The following PTDSS1 variants were observed in gnomAD, a reference collection of about 807,000 sequenced individuals.
PTDSS1 encodes the protein PSS-1.
A neutral mutation model predicts 70.5 loss-of-function variants in PTDSS1; 45 were observed. The ratio of observed to expected loss-of-function variants is 0.64; its 90% CI spans 0.50 to 0.82. The LOEUF is 0.82. Among genes scored for constraint, PTDSS1 ranks in the 40% least tolerant of loss-of-function variants. The pLI is 0.00. For synonymous variants in PTDSS1, 188 were observed against 203.8 expected (o/e 0.92, Z 0.66); for missense variants, 417 against 586.1 (o/e 0.71, Z 2.98).
In PTDSS1 at chr8:96,288,625, C is replaced by CTTTTT. The variant is rs777705401; in HGVS notation, c.441+1497_441+1501dup. Among the ~76,000 whole-genome samples, 213 of 84,668 alleles carry CTTTTT rather than the reference C, an allele frequency of 2.5e-3. 7 individuals carry two copies. Among genetic ancestry groups the CTTTTT allele is most frequent in the African/African-American group, 0.011 (184 of 17,326 alleles). The allele number at this position is 84,668 out of a possible 152,430, so 55.5% of individuals were successfully genotyped here. ...ACAGGCATGAGCCACCACGCTTGGC[C>CTTTTT]TTTTTTTTTTTTTTTTTTTTTTGAG... On this transcript the variant is annotated intron_variant, in intron 4 of 12. Transcript: ENST00000517309.
chr8:96,295,483 T>C (rs547364735), intron 5 of PTDSS1, among the ~76,000 whole-genome samples: 11 of 152,318 alleles, frequency 7.2e-5, no homozygotes, highest in African/African-American at 2.6e-4. Context: ...GTCCTGCAAG[T>C]CTTAAAGAGA....
At chr8:96,287,805 G>A (rs73698561) in intron 4 of PTDSS1, among the ~76,000 whole-genome samples, 2,867 of 152,230 alleles carry the variant, frequency 0.019, 87 homozygotes, top group African/African-American at 0.065. Flanking sequence ...TTTTACTGAA[G>A]AGACTAATTA....
rs1408116620 is a variant in PTDSS1 at position 96,309,582 on chromosome 8, A to G, written c.1033A>G (p.Thr345Ala). The change falls in exon 9 of 13, where the codon ACA becomes GCA. Residue 345 changes from threonine to alanine, a missense_variant. This residue lies in a region of PTDSS1 where 272 missense variants were observed against 429.5 expected (regional missense o/e 0.63). Coordinates refer to ENST00000517309, the MANE Select transcript of PTDSS1 (RefSeq NM_014754.3). ...VRQYYAYLTDTQCKRVGTQCW... is the reference protein window; with the variant it reads ...VRQYYAYLTDAQCKRVGTQCW... The stretch of plus-strand genomic sequence containing the variant: ...ACAGTACTACGCTTACCTCACCGAC[A>G]CACAGTGCAAGCGCGTAGGAACACA... 1 of 1,614,038 alleles carries G rather than the reference A, an allele frequency of 6.2e-7. No homozygotes were observed. The highest frequency in any genetic ancestry group is 8.5e-7 in the Non-Finnish European group (1 of 1,179,956).
rs191393656 is a variant in PTDSS1, at chr8:96,332,786, T to A, written c.1313-671T>A. Among the ~76,000 whole-genome samples the A allele has an allele frequency of 1.1e-4, 17 of 151,062 alleles. No individual in the cohort carries two copies. In the East Asian group the frequency reaches 3.3e-3, roughly 29 times the overall value. On this transcript the variant is annotated intron_variant, in intron 12 of 12. Coordinates refer to ENST00000517309, the MANE Select transcript of PTDSS1 (RefSeq NM_014754.3). ...CAGTGGAGACTGTAACTCTGGTAAC[T>A]TTTTTTTTGTTGGCAGCCTCAGGTG...
rs996713616 is a variant in PTDSS1 at position 96,324,087 on chromosome 8, G to A, written c.1173+3742G>A. On this transcript the variant is annotated intron_variant, in intron 10 of 12. Transcript: ENST00000517309. ...CAATTCAGCCAAGGTCTTTGCTACT[G>A]TGTGACAAGGATGCCCTTTACTCCA... is the stretch of plus-strand genomic sequence containing the variant. 4.6e-5 allele frequency among the ~76,000 whole-genome samples: 7 copies of A among 152,298 alleles called. No individual in the cohort carries two copies. The East Asian group carries it at 1.2e-3, about 25-fold the overall frequency.
intron 1 of PTDSS1, among the ~76,000 whole-genome samples, chr8:96,268,737 G>A (rs957660167): frequency 6.6e-6 from 1 of 151,338 alleles, no homozygotes; most frequent in Non-Finnish European, 1.5e-5. Context: ...ACAATGCTCT[G>A]CAGAAGAAGC....
Position 96,295,229 on chromosome 8 carries a change from A to G in PTDSS1, c.573A>G (p.Thr191=). 6.2e-7 allele frequency: 1 copy of G among 1,613,590 alleles called. No homozygotes were observed. Among genetic ancestry groups the G allele is most frequent in the Non-Finnish European group, 8.5e-7 (1 of 1,179,774 alleles). ...LLIRSYGLCW[T]ISITWELTEL... ...TCCGTAGTTACGGTCTCTGCTGGAC[A>G]ATCAGTATTACCTGGGAGCTGACTG... The change falls in exon 5 of 13, where the codon ACA becomes ACG. Residue 191 remains threonine, a synonymous_variant. Transcript: ENST00000517309.
intron 4 of PTDSS1, among the ~76,000 whole-genome samples, chr8:96,291,299 A>C (rs1810899296): frequency 6.6e-6 from 1 of 152,186 alleles, no homozygotes; most frequent in Non-Finnish European, 1.5e-5. Flanking sequence ...TTTTAAACCT[A>C]TGCAAGAGTA....
chr8:96,333,297 G>GT (rs1321967686), intron 12 of PTDSS1, among the ~76,000 whole-genome samples, 160 bp from the exon 13 acceptor site: 13 of 152,120 alleles, frequency 8.5e-5, no homozygotes, highest in African/African-American at 2.2e-4. Flanking sequence ...TACTAGTTCT[G>GT]TGTTTGAGAG....
At chr8:96,313,078 G>T (rs1162993158) in intron 9 of PTDSS1, among the ~76,000 whole-genome samples, 1 of 152,174 alleles carries the variant, frequency 6.6e-6, no homozygotes, top group Non-Finnish European at 1.5e-5. Context: ...GGAAGGCAAA[G>T]GTCAAATAGG....
intron 1 of PTDSS1, among the ~76,000 whole-genome samples, chr8:96,271,620 C>G (rs908574191): frequency 2.0e-5 from 3 of 152,172 alleles, no homozygotes; most frequent in African/African-American, 7.2e-5. Flanking sequence ...AAAATAATGC[C>G]AAATTGCCCT....
At chr8:96,291,453 T>C (rs201873232) in intron 4 of PTDSS1, among the ~76,000 whole-genome samples, 15 of 123,166 alleles carry the variant, frequency 1.2e-4, no homozygotes, top group African/African-American at 5.4e-4. Context: ...TGGGCTTTTC[T>C]TTTTTTTTTT....
intron 9 of PTDSS1, among the ~76,000 whole-genome samples, chr8:96,319,102 TG>T (rs921040727): frequency 1.8e-4 from 28 of 151,822 alleles, no homozygotes; most frequent in Admixed American, 7.2e-4. Flanking sequence ...TTGGCAGAGA[TG>T]GGGTTTTACC....
At chr8:96,283,206 T>C (rs561399512) in intron 2 of PTDSS1, among the ~76,000 whole-genome samples, 84 of 152,298 alleles carry the variant, frequency 5.5e-4, no homozygotes, top group Non-Finnish European at 7.8e-4. Flanking sequence ...GAGCCCTACC[T>C]GTAAAGAAGG....
intron 4 of PTDSS1, 86 bp from the exon 5 acceptor site, chr8:96,295,012 T>G: frequency 7.6e-7 from 1 of 1,313,414 alleles, no homozygotes; most frequent in Non-Finnish European, 1.0e-6. Flanking sequence ...CAAGTTCATA[T>G]CTATTCTTTT....
rs140089042 is a variant in PTDSS1, at chr8:96,278,691, A to G, written c.271+5301A>G. On this transcript the variant is annotated intron_variant, in intron 2 of 12. Transcript: ENST00000517309. ...TCACTGGAGTGAAATTTAGAAACCT[A>G]TTTGAGTCTCCAGTTGGCTGGAGAT... 5.9e-3 allele frequency among the ~76,000 whole-genome samples: 897 copies of G among 152,204 alleles called. 9 individuals are homozygous for G. The highest frequency in any genetic ancestry group is 0.044 in the Middle Eastern group (13 of 294).
At chr8:96,285,321 C>A (rs1810806514) in intron 3 of PTDSS1, among the ~76,000 whole-genome samples, 1 of 152,136 alleles carries the variant, frequency 6.6e-6, no homozygotes, top group African/African-American at 2.4e-5. Context: ...AGTGTGGCCC[C>A]AGTATAGTGC....
chr8:96,271,980 G>A lies in PTDSS1; in HGVS notation c.180-1319G>A, dbSNP rs551089560. Among the ~76,000 whole-genome samples, 5 of 152,184 alleles carry A rather than the reference G, an allele frequency of 3.3e-5. No homozygotes were observed. The East Asian group carries it at 7.7e-4, about 23-fold the overall frequency. On this transcript the variant is annotated intron_variant, in intron 1 of 12. Coordinates refer to ENST00000517309, the MANE Select transcript of PTDSS1 (RefSeq NM_014754.3). ...TACTCTCTGAACAAACTCTTCATAT[G>A]CTTTGCCCATTTTTCTATTTAGATT...
rs1297531539 is a variant in PTDSS1, at chr8:96,299,681, T to C, written c.601-13T>C. 6.3e-7 allele frequency: 1 copy of C among 1,599,480 alleles called. No homozygotes were observed. The highest frequency in any genetic ancestry group is 8.5e-7 in the Non-Finnish European group (1 of 1,175,654). On this transcript the variant is annotated splice_polypyrimidine_tract_variant and intron_variant, in intron 5 of 12. Coordinates refer to ENST00000517309, the MANE Select transcript of PTDSS1 (RefSeq NM_014754.3). ...TGTTTATTTTTCCAACCATGGGCTC[T>C]TGTGTTTCTCAGCTCTTCTTCATGC...
Sources: gnomAD v4.1 joint callset for allele counts (sites outside exome capture counted in the v4.1 genomes callset) on GRCh38, gnomAD v4.1.1 for gene constraint, gnomAD v4.1.1 regional missense constraint, MANE v1.5 for transcripts, NCBI Gene and HGNC (gene_info 2026-07-23, HGNC 2026-07-21) for gene names.